Variants in LMF1 observed in about 807,000 individuals in gnomAD.
LMF1 encodes lipase maturation factor 1, also known as transmembrane protein 112.
A neutral mutation model predicts 60.6 loss-of-function variants in LMF1; 68 were observed. The observed-to-expected ratio is 1.12, with a 90% CI of 0.92 to 1.37. The LOEUF is 1.37. Ranked by LOEUF, LMF1 falls within the 40% of genes most tolerant of loss-of-function variation. The probability of loss-of-function intolerance (pLI) is 0.00; values close to 1 mark genes in which losing one functional copy is unlikely to be tolerated. For missense variants in LMF1, 948 were observed against 767.2 expected (o/e 1.24, Z -2.78); for synonymous variants, 418 against 324.7 (o/e 1.29, Z -3.09).
chr16:870,944 G>T (rs2069769827), intron 7 of LMF1, 62 bp from the exon 8 acceptor site: 2 of 1,528,072 alleles, frequency 1.3e-6, no homozygotes, highest in Admixed American at 3.9e-5. Context: ...TGTCCCTGGG[G>T]AGACCCCAGC....
chr16:859,134 A>G (rs1434593334), intron 10 of LMF1, among the ~76,000 whole-genome samples: 62 of 92,878 alleles, frequency 6.7e-4, no homozygotes, highest in Middle Eastern at 0.01. Flanking sequence ...GTGTGCACTG[A>G]TGTCACGGGA....
chr16:974,416 G>C (rs1266221252), upstream of LMF1, among the ~76,000 whole-genome samples: 1 of 152,194 alleles, frequency 6.6e-6, no homozygotes, highest in African/African-American at 2.4e-5. Context: ...AAAACTCTAA[G>C]AGAAAAAGCC....
intron 2 of LMF1, among the ~76,000 whole-genome samples, chr16:938,800 T>C (rs1036256410): frequency 1.3e-5 from 2 of 152,166 alleles, no homozygotes; most frequent in Admixed American, 1.3e-4. Context: ...GAGTACATAG[T>C]CCATTCACTA....
rs574025138 is a variant in LMF1, at chr16:947,488, A to G, written c.503+6869T>C. The G allele has an allele frequency of 6.6e-6, 3 of 456,082 alleles. No individual in the cohort carries two copies. In the East Asian group the frequency reaches 2.1e-4, roughly 32 times the overall value. The allele number at this position is 456,082 out of a possible 1,614,324, so 28.3% of individuals were successfully genotyped here. A position where few individuals can be genotyped will look rare whatever the true frequency, so the allele number is the denominator to read the frequency against. On this transcript the variant is annotated intron_variant, in intron 2 of 10. Coordinates refer to ENST00000262301, the MANE Select transcript of LMF1 (RefSeq NM_022773.4). ...TGTCCCTGGGTGCTGGCGGCCTCCC[A>G]GCGTCCCCTCCAGCCCTGGCGCTGC... is the stretch of plus-strand genomic sequence containing the variant.
chr16:981,415 C>T (rs1409701442), upstream of LMF1: 1 of 303,954 alleles, frequency 3.3e-6, no homozygotes, highest in Non-Finnish European at 7.2e-6. Flanking sequence ...CGAGGACCCG[C>T]TTCCTAGCTG....
intron 1 of LMF1, among the ~76,000 whole-genome samples, chr16:963,598 C>T (rs895805569): frequency 6.6e-6 from 1 of 152,114 alleles, no homozygotes; most frequent in African/African-American, 2.4e-5. Flanking sequence ...TGTTCAGCCA[C>T]TGCACACTCC....
chr16:880,631 C>T (rs1043043068), intron 5 of LMF1, among the ~76,000 whole-genome samples: 3 of 152,252 alleles, frequency 2.0e-5, no homozygotes, highest in African/African-American at 7.2e-5. Flanking sequence ...GACTGTGCCA[C>T]GGCACTCAGC....
Position 927,231 on chromosome 16 carries a change from G to A in LMF1, c.514+7013C>T, listed in dbSNP as rs182335235. Among the ~76,000 whole-genome samples the A allele has an allele frequency of 1.4e-4, 21 of 152,314 alleles. No individual in the cohort carries two copies. The East Asian group carries it at 1.7e-3, about 13-fold the overall frequency. ...TCACAGCTAGCCCATGTCACGTGGC[G>A]GGCTCTAAAAGTCACCCAAGTGGGC... On this transcript the variant is annotated intron_variant, in intron 3 of 10. Transcript: ENST00000262301.
intron 1 of LMF1, chr16:980,306 G>A: frequency 6.3e-6 from 1 of 158,266 alleles, no homozygotes; most frequent in Non-Finnish European, 1.4e-5. Context: ...GGCCGCTGGG[G>A]GCACCAGCTC....
At chr16:894,726 C>G (rs865809590) in intron 4 of LMF1, among the ~76,000 whole-genome samples, 3 of 152,230 alleles carry the variant, frequency 2.0e-5, no homozygotes, top group Non-Finnish European at 4.4e-5. Flanking sequence ...TCACTGTTGC[C>G]CACACGGTGG....
rs545514300 is a variant in LMF1 at position 891,167 on chromosome 16, C to T, written c.729+1840G>A. Among the ~76,000 whole-genome samples, 1,108 of 152,270 alleles carry T rather than the reference C, an allele frequency of 7.3e-3. 11 individuals carry two copies. Among genetic ancestry groups the T allele is most frequent in the Non-Finnish European group, 0.013 (902 of 67,986 alleles). ...GCAGTGCTGACAGGCAGCTGTGGGC[C>T]CCCCCGGCCCGCCTCCCCAAGAGTT... is the stretch of plus-strand genomic sequence containing the variant. On this transcript the variant is annotated intron_variant, in intron 5 of 10. Coordinates refer to ENST00000262301, the MANE Select transcript of LMF1 (RefSeq NM_022773.4).
chr16:955,159 A>T lies in LMF1; in HGVS notation c.194-493T>A, dbSNP rs796468355. Among the ~76,000 whole-genome samples the T allele has an allele frequency of 2.0e-4, 24 of 123,036 alleles. 2 individuals are homozygous for T. Among genetic ancestry groups the T allele is most frequent in the East Asian group, 9.1e-4 (4 of 4,382 alleles). The allele number at this position is 123,036 out of a possible 152,430, so 80.7% of individuals were successfully genotyped here. ...CAAGTTACATAAAATGCGTGCCTGC[A>T]GCAGACGCAGTGTGTGCATACACAC... is the stretch of plus-strand genomic sequence containing the variant. On this transcript the variant is annotated intron_variant, in intron 1 of 10. Coordinates refer to ENST00000262301, the MANE Select transcript of LMF1 (RefSeq NM_022773.4).
At chr16:911,536 G>C (rs1382118976) in intron 3 of LMF1, among the ~76,000 whole-genome samples, 1 of 104,810 alleles carries the variant, frequency 9.5e-6, no homozygotes, top group Admixed American at 1.0e-4. Flanking sequence ...GCAGCACTGG[G>C]GGGGCAGCAC....
intron 5 of LMF1, 119 bp from the exon 6 acceptor site, chr16:879,856 G>A: frequency 3.1e-6 from 3 of 972,806 alleles, no homozygotes; most frequent in Non-Finnish European, 4.5e-6. Flanking sequence ...GATCCCCCCG[G>A]CCCGCCTGGC....
chr16:870,704 G>A, intron 8 of LMF1, 25 bp downstream of exon 8: 1 of 1,611,864 alleles, frequency 6.2e-7, no homozygotes, highest in Non-Finnish European at 8.5e-7. Context: ...CCCAGCTCCG[G>A]GGGACGGGGA....
chr16:889,081 C>T (rs994300994), intron 5 of LMF1, among the ~76,000 whole-genome samples: 62 of 152,312 alleles, frequency 4.1e-4, no homozygotes, highest in African/African-American at 1.4e-3. Context: ...TCTGCACTCA[C>T]CCTGGGTAGA....
chr16:884,981 G>A (rs745986150), intron 5 of LMF1: 2 of 152,234 alleles, frequency 1.3e-5, no homozygotes, highest in Non-Finnish European at 2.9e-5. Flanking sequence ...AAAGAGCTCC[G>A]GAAATGGTAA....
intron 4 of LMF1, chr16:900,792 G>A (rs1354207524): frequency 1.3e-5 from 2 of 151,670 alleles, no homozygotes; most frequent in Non-Finnish European, 2.9e-5. Flanking sequence ...CTGACCTCAG[G>A]TGATCTGCCC....
At chr16:956,830 G>A (rs1367610122) in intron 1 of LMF1, among the ~76,000 whole-genome samples, 1 of 125,740 alleles carries the variant, frequency 8.0e-6, no homozygotes, top group Non-Finnish European at 1.6e-5. Flanking sequence ...GACGACAAGA[G>A]CAAAACTCCA....
Sources: gnomAD v4.1 joint callset for allele counts (sites outside exome capture counted in the v4.1 genomes callset) on GRCh38, gnomAD v4.1.1 for gene constraint, MANE v1.5 for transcripts, NCBI Gene and HGNC (gene_info 2026-07-23, HGNC 2026-07-21) for gene names.